XRCC4: variants seen among roughly 807,000 people sequenced by gnomAD.
XRCC4 encodes DNA repair protein XRCC4.
In XRCC4, 28 loss-of-function variants were observed where a neutral mutation model predicts 39.1. The ratio of observed to expected loss-of-function variants is 0.72; its 90% CI spans 0.53 to 0.98. The LOEUF is 0.98. Among genes scored for constraint, XRCC4 ranks in the 50% least tolerant of loss-of-function variants. XRCC4 has a pLI of 0.00. For missense variants in XRCC4, 350 were observed against 376.4 expected, an observed-to-expected ratio of 0.93 and a Z score of 0.58; for synonymous variants, 123 against 126.4, an observed-to-expected ratio of 0.97 and a Z score of 0.18.
intron 3 of XRCC4, among the ~76,000 whole-genome samples, chr5:83,171,811 A>C (rs986829311): frequency 2.6e-5 from 4 of 152,152 alleles, no homozygotes; most frequent in Non-Finnish European, 2.9e-5. Context: ...TTCTCCTGCC[A>C]GATTATAATT....
intron 3 of XRCC4, among the ~76,000 whole-genome samples, chr5:83,112,941 C>T (rs1358640707): frequency 2.0e-5 from 3 of 152,090 alleles, no homozygotes; most frequent in Admixed American, 2.0e-4. Flanking sequence ...TTCCGCCCAG[C>T]CCCTCCCAAA....
At chr5:83,254,984 G>A (rs1753477484) in intron 6 of XRCC4, among the ~76,000 whole-genome samples, 1 of 151,820 alleles carries the variant, frequency 6.6e-6, no homozygotes, top group Non-Finnish European at 1.5e-5. Context: ...CTACTCAGGA[G>A]CCCGAGGCAG....
chr5:83,196,480 C>A (rs372813797), intron 4 of XRCC4, among the ~76,000 whole-genome samples: 1 of 151,866 alleles, frequency 6.6e-6, no homozygotes, highest in East Asian at 1.9e-4. Flanking sequence ...ATGGCTTTGC[C>A]TCTTTTTAAA....
intron 7 of XRCC4, among the ~76,000 whole-genome samples, chr5:83,320,213 C>T (rs1476214853): frequency 4.7e-4 from 46 of 97,306 alleles, no homozygotes; most frequent in African/African-American, 1.7e-3. Flanking sequence ...GTTGTGGGGT[C>T]GGGGGAGGGG....
At chr5:83,343,272 A>T (rs1320339210) in intron 7 of XRCC4, among the ~76,000 whole-genome samples, 1 of 152,100 alleles carries the variant, frequency 6.6e-6, no homozygotes, top group Admixed American at 6.6e-5. Context: ...TGTTATTTTA[A>T]CATGAGTAAA....
intron 7 of XRCC4, among the ~76,000 whole-genome samples, chr5:83,308,345 A>G (rs1408537674): frequency 2.0e-5 from 3 of 152,126 alleles, no homozygotes; most frequent in Non-Finnish European, 2.9e-5. Context: ...ATGGAGAGAA[A>G]TAATAGTATT....
At chr5:83,239,946 C>T (rs1053949730) in intron 6 of XRCC4, among the ~76,000 whole-genome samples, 15 of 151,846 alleles carry the variant, frequency 9.9e-5, no homozygotes, top group Non-Finnish European at 2.1e-4. Flanking sequence ...TTGATTGAGG[C>T]CAGGAGTTCA....
intron 6 of XRCC4, among the ~76,000 whole-genome samples, chr5:83,219,138 T>G (rs1015824377): frequency 1.1e-4 from 16 of 152,090 alleles, no homozygotes; most frequent in African/African-American, 3.4e-4. Context: ...TCTATACCTA[T>G]CTCTGTTCAA....
intron 6 of XRCC4, among the ~76,000 whole-genome samples, chr5:83,233,913 A>AAAG (rs1482818234): frequency 6.6e-6 from 1 of 151,046 alleles, no homozygotes; most frequent in African/African-American, 2.4e-5. Context: ...AAAAAAAAAA[A>AAAG]AAAAAAAGAA....
chr5:83,163,112 A>C (rs540211080), intron 3 of XRCC4, among the ~76,000 whole-genome samples: 2 of 151,786 alleles, frequency 1.3e-5, no homozygotes, highest in South Asian at 4.2e-4. Flanking sequence ...ACATCTGGCT[A>C]ATTTTTGTAT....
intron 3 of XRCC4, among the ~76,000 whole-genome samples, chr5:83,183,805 C>T (rs1561387406): frequency 6.6e-6 from 1 of 152,102 alleles, no homozygotes; most frequent in Non-Finnish European, 1.5e-5. Flanking sequence ...GTCTATCATA[C>T]TCCCTAGCTT....
At chr5:83,243,850 G>A (rs1053434007) in intron 6 of XRCC4, among the ~76,000 whole-genome samples, 3 of 152,122 alleles carry the variant, frequency 2.0e-5, no homozygotes, top group Non-Finnish European at 4.4e-5. Context: ...GTGTGTGTTA[G>A]GTTTGTTGAC....
chr5:83,262,414 G>A (rs1217557361), intron 7 of XRCC4, among the ~76,000 whole-genome samples: 1 of 152,000 alleles, frequency 6.6e-6, no homozygotes, highest in Admixed American at 6.6e-5. Context: ...ATTATATGTG[G>A]GAATGGATTT....
At chr5:83,256,222 C>T (rs181026517) in intron 6 of XRCC4, among the ~76,000 whole-genome samples, 108 of 152,196 alleles carry the variant, frequency 7.1e-4, no homozygotes, top group African/African-American at 2.5e-3. Flanking sequence ...TGATTAGATG[C>T]TAGAAACATC....
chr5:83,241,323 T>C (rs1286943157), intron 6 of XRCC4, among the ~76,000 whole-genome samples: 1 of 152,092 alleles, frequency 6.6e-6, no homozygotes, highest in Non-Finnish European at 1.5e-5. Context: ...TTTAAGTTAA[T>C]GCATTTATTA....
At chr5:83,337,192 C>A (rs115626120) in intron 7 of XRCC4, among the ~76,000 whole-genome samples, 270 of 152,148 alleles carry the variant, frequency 1.8e-3, no homozygotes, top group Admixed American at 5.4e-3. Flanking sequence ...TTCAACAGAA[C>A]CTCAGTTCTT....
intron 7 of XRCC4, among the ~76,000 whole-genome samples, chr5:83,269,065 G>A (rs1754049428): frequency 6.6e-6 from 1 of 152,148 alleles, no homozygotes; most frequent in Admixed American, 6.6e-5. Context: ...GAAAATCTCA[G>A]TGTTCTCACT....
intron 6 of XRCC4, among the ~76,000 whole-genome samples, chr5:83,207,908 A>T (rs1751482691): frequency 6.6e-6 from 1 of 152,046 alleles, no homozygotes; most frequent in South Asian, 2.1e-4. Flanking sequence ...GAATACAAAT[A>T]AATTTGTGAA....
rs182089021 is a variant in XRCC4, at chr5:83,161,495, T to C, written c.316-34275T>C. 1.0e-3 allele frequency among the ~76,000 whole-genome samples: 152 copies of C among 152,286 alleles called. 1 individual carries two copies. Among genetic ancestry groups the C allele is most frequent in the Middle Eastern group, 6.8e-3 (2 of 294 alleles). On this transcript the variant is annotated intron_variant, in intron 3 of 7. Coordinates refer to ENST00000396027, the MANE Select transcript of XRCC4 (RefSeq NM_003401.5). ...CATCTTTATCTTTTAATAGAGACACTACCTTTTAGTAGATAAGTAAAATAA... is the reference window on the plus strand; with the variant it reads ...CATCTTTATCTTTTAATAGAGACACCACCTTTTAGTAGATAAGTAAAATAA...
Sources: gnomAD v4.1 joint callset for allele counts (sites outside exome capture counted in the v4.1 genomes callset) on GRCh38, gnomAD v4.1.1 for gene constraint, MANE v1.5 for transcripts, NCBI Gene and HGNC (gene_info 2026-07-23, HGNC 2026-07-21) for gene names.